Variants in ARHGAP12 observed in about 807,000 individuals in gnomAD.
The protein encoded by ARHGAP12 is rho GTPase-activating protein 12.
Under a neutral mutation model 108.6 loss-of-function variants are expected in ARHGAP12, and 64 were observed. That is an observed-to-expected ratio of 0.59 (90% CI 0.48 to 0.73). The LOEUF (loss-of-function observed/expected upper bound fraction) is 0.73. ARHGAP12 is among the 30% of genes least tolerant of loss of function. ARHGAP12 has a pLI of 0.00. For synonymous variants in ARHGAP12, 312 were observed against 337.2 expected, an observed-to-expected ratio of 0.93 and a Z score of 0.82; for missense variants, 940 against 1,005.9, an observed-to-expected ratio of 0.93 and a Z score of 0.89.
intron 3 of ARHGAP12, among the ~76,000 whole-genome samples, chr10:31,881,358 C>A (rs1286553835): frequency 6.6e-6 from 1 of 151,886 alleles, no homozygotes; most frequent in Non-Finnish European, 1.5e-5. Context: ...ACATAAGAGG[C>A]CAACACGGAA....
At chr10:31,926,884 T>C (rs1840070404) in intron 1 of ARHGAP12, among the ~76,000 whole-genome samples, 1 of 152,240 alleles carries the variant, frequency 6.6e-6, no homozygotes, top group Non-Finnish European at 1.5e-5. Flanking sequence ...AGAGATGCAA[T>C]GTATTGATAA....
intron 10 of ARHGAP12, 88 bp from the exon 11 acceptor site, chr10:31,826,473 A>G: frequency 1.0e-6 from 1 of 962,532 alleles, no homozygotes; most frequent in Non-Finnish European, 1.6e-6. Context: ...AGCTCTTATC[A>G]ATGTTATCTA....
intron 7 of ARHGAP12, among the ~76,000 whole-genome samples, chr10:31,841,389 A>G (rs1836259891): frequency 6.6e-6 from 1 of 152,178 alleles, no homozygotes; most frequent in Non-Finnish European, 1.5e-5. Flanking sequence ...TGATTGTTCA[A>G]CTTTAAGGTG....
chr10:31,884,564 A>G (rs1838122800), intron 3 of ARHGAP12, among the ~76,000 whole-genome samples: 1 of 152,208 alleles, frequency 6.6e-6, no homozygotes. Context: ...ATGAGTTGCA[A>G]TGTGGAATCT....
intron 5 of ARHGAP12, among the ~76,000 whole-genome samples, chr10:31,853,374 G>A (rs745636286): frequency 6.6e-6 from 1 of 152,040 alleles, no homozygotes; most frequent in Admixed American, 6.5e-5. Context: ...AGCAACAACA[G>A]AACATCATGC....
chr10:31,833,036 G>T (rs1232941392), intron 9 of ARHGAP12, among the ~76,000 whole-genome samples: 2 of 151,722 alleles, frequency 1.3e-5, no homozygotes, highest in Non-Finnish European at 1.5e-5. Context: ...TAACACAATT[G>T]TAAGTATGTG....
intron 4 of ARHGAP12, among the ~76,000 whole-genome samples, chr10:31,860,318 T>C (rs1028669150): frequency 7.2e-5 from 11 of 152,242 alleles, no homozygotes; most frequent in African/African-American, 2.7e-4. Flanking sequence ...AGCTGCTTTC[T>C]ATAACAGCCG....
chr10:31,907,472 AATT>A (rs1173742580), intron 3 of ARHGAP12, among the ~76,000 whole-genome samples: 3 of 143,060 alleles, frequency 2.1e-5, no homozygotes, highest in African/African-American at 7.6e-5. Flanking sequence ...AAAAAAAAAA[AATT>A]TTTTTTTAAT....
At chr10:31,812,910 A>C in intron 14 of ARHGAP12, 87 bp from the exon 15 acceptor site, 1 of 664,248 alleles carries the variant, frequency 1.5e-6, no homozygotes, top group Non-Finnish European at 2.6e-6. Flanking sequence ...AAAACACATT[A>C]ACCTCATATG....
At chr10:31,923,464 T>G (rs1029463375) in intron 1 of ARHGAP12, among the ~76,000 whole-genome samples, 1 of 152,216 alleles carries the variant, frequency 6.6e-6, no homozygotes, top group Admixed American at 6.5e-5. Flanking sequence ...CTTAGGTATT[T>G]ACCAACAAAA....
intron 1 of ARHGAP12, among the ~76,000 whole-genome samples, chr10:31,928,428 C>A (rs926953388): frequency 2.0e-5 from 3 of 151,748 alleles, no homozygotes; most frequent in Non-Finnish European, 4.4e-5. Context: ...AACCCTCTCG[C>A]CCACGTCAGC....
At chr10:31,881,989 A>G (rs1027662972) in intron 3 of ARHGAP12, among the ~76,000 whole-genome samples, 1 of 144,708 alleles carries the variant, frequency 6.9e-6, no homozygotes, top group Admixed American at 7.2e-5. Flanking sequence ...ATCTCGGCTC[A>G]CTGCAAGCTC....
chr10:31,877,870 T>A (rs1044927913), intron 3 of ARHGAP12, among the ~76,000 whole-genome samples: 1 of 152,146 alleles, frequency 6.6e-6, no homozygotes, highest in African/African-American at 2.4e-5. Flanking sequence ...GGCGGGCACA[T>A]AGCTTGAGCC....
At chr10:31,814,611 T>G (rs1408306537) in intron 13 of ARHGAP12, among the ~76,000 whole-genome samples, 1 of 152,208 alleles carries the variant, frequency 6.6e-6, no homozygotes, top group African/African-American at 2.4e-5. Context: ...TTTACACTGA[T>G]GATGAGGCTA....
chr10:31,837,568 C>T (rs1836076237), intron 9 of ARHGAP12, among the ~76,000 whole-genome samples: 1 of 152,084 alleles, frequency 6.6e-6, no homozygotes, highest in South Asian at 2.1e-4. Flanking sequence ...TGGAAGGGTC[C>T]ATCTTGATGG....
At chr10:31,856,089 A>T (rs1237112726) in intron 4 of ARHGAP12, among the ~76,000 whole-genome samples, 1 of 152,178 alleles carries the variant, frequency 6.6e-6, no homozygotes, top group Non-Finnish European at 1.5e-5. Context: ...TGAGGGGGCT[A>T]TGGTAGATGC....
intron 1 of ARHGAP12, among the ~76,000 whole-genome samples, chr10:31,919,258 G>C (rs1443441239): frequency 1.3e-5 from 2 of 152,178 alleles, no homozygotes; most frequent in East Asian, 3.8e-4. Context: ...AATGGGTATG[G>C]AGTTTCAGTT....
In ARHGAP12 at chr10:31,831,718, A is replaced by T. The variant is rs1157803989; in HGVS notation, c.1448+21T>A. 4.7e-6 allele frequency: 7 copies of T among 1,501,358 alleles called. No individual in the cohort carries two copies. In the South Asian group the frequency reaches 8.3e-5, roughly 18 times the overall value. The allele number at this position is 1,501,358 out of a possible 1,614,324, so 93.0% of individuals were successfully genotyped here. A position where few individuals can be genotyped will look rare whatever the true frequency, so the allele number is the denominator to read the frequency against. The stretch of plus-strand genomic sequence containing the variant: ...TATTTCAGATGAATCATGTAAGAAC[A>T]TTAAAGACTTGTGTACTTACCGAAC... On this transcript the variant is annotated intron_variant, in intron 10 of 19. Transcript: ENST00000344936.
At chr10:31,847,818 T>A (rs1836520236) in intron 6 of ARHGAP12, among the ~76,000 whole-genome samples, 1 of 152,156 alleles carries the variant, frequency 6.6e-6, no homozygotes, top group South Asian at 2.1e-4. Flanking sequence ...GATGGCTGAC[T>A]GGGCTTCATA....
Sources: allele counts gnomAD v4.1 joint callset (sites outside exome capture counted in the v4.1 genomes callset), GRCh38; gene constraint gnomAD v4.1.1; transcripts MANE v1.5; gene names NCBI Gene and HGNC (gene_info 2026-07-23, HGNC 2026-07-21).